MTRFR: variants seen among roughly 807,000 people sequenced by gnomAD.
The protein encoded by MTRFR is mitochondrial translation release factor in rescue, also known as probable peptide chain release factor C12orf65, mitochondrial.
Under a neutral mutation model 11.9 loss-of-function variants are expected in MTRFR, and 10 were observed. The observed-to-expected ratio is 0.84, with a 90% CI of 0.52 to 1.42. The LOEUF (loss-of-function observed/expected upper bound fraction) is 1.42. Ranked by LOEUF, MTRFR falls within the 40% of genes most tolerant of loss-of-function variation. MTRFR has a pLI of 0.00. For synonymous variants in MTRFR, 77 were observed against 79.1 expected, an observed-to-expected ratio of 0.97 and a Z score of 0.14; for missense variants, 196 against 197.9, an observed-to-expected ratio of 0.99 and a Z score of 0.06.
At chr12:123,243,961 AC>A (rs1370415756) in intron 1 of MTRFR, 1 of 152,324 alleles carries the variant, frequency 6.6e-6, no homozygotes, top group East Asian at 1.9e-4. Context: ...GGGGAAGTTG[AC>A]CGAGGGTGAG....
chr12:123,256,434 C>A (rs1169441190), intron 2 of MTRFR, among the ~76,000 whole-genome samples: 3 of 152,196 alleles, frequency 2.0e-5, no homozygotes, highest in Non-Finnish European at 4.4e-5. Context: ...CTCATGGGGA[C>A]TCCTGATAAG....
chr12:123,241,402 A>G (rs2047935174), intron 1 of MTRFR, among the ~76,000 whole-genome samples: 1 of 152,034 alleles, frequency 6.6e-6, no homozygotes, highest in East Asian at 1.9e-4. Flanking sequence ...CAATGGCGTG[A>G]TCTCGGCTCA....
intron 1 of MTRFR, among the ~76,000 whole-genome samples, chr12:123,237,075 A>G (rs1231652582): frequency 6.6e-6 from 1 of 151,450 alleles, no homozygotes; most frequent in Non-Finnish European, 1.5e-5. Context: ...ACAGAGTGAG[A>G]CTCCGGCTAA....
chr12:123,240,267 G>C (rs1000516193), intron 1 of MTRFR, among the ~76,000 whole-genome samples: 9 of 151,414 alleles, frequency 5.9e-5, no homozygotes, highest in African/African-American at 2.2e-4. Flanking sequence ...CCAGCTACTT[G>C]GGATGCTGAG....
chr12:123,244,434 A>G lies in MTRFR; in HGVS notation c.-28-9213A>G, dbSNP rs554195012. 3.3e-5 allele frequency among the ~76,000 whole-genome samples: 5 copies of G among 152,204 alleles called. No individual in the cohort carries two copies. The South Asian group carries it at 1.0e-3, about 32-fold the overall frequency. Reference sequence around the variant, plus strand: ...GCAGCAAGAGCGAAACTCCATCTCAAAACAAAAAACAAAAAAAAAGCAGCA... The same window carrying G: ...GCAGCAAGAGCGAAACTCCATCTCAGAACAAAAAACAAAAAAAAAGCAGCA... On this transcript the variant is annotated intron_variant, in intron 1 of 2. Transcript: ENST00000253233.
rs11057214 is a variant in MTRFR at position 123,257,385 on chromosome 12, G to A, written c.*354G>A. ...CAAAAAATTAGCCAGGCATGGTGGC[G>A]GGCACCTGTAATCCCAGCTACTCGG... is the stretch of plus-strand genomic sequence containing the variant. On this transcript the variant is annotated 3_prime_UTR_variant, in exon 3 of 3. Transcript: ENST00000253233. The A allele has an allele frequency of 0.056, 13,516 of 239,630 alleles. 498 individuals are homozygous for A. The highest frequency in any genetic ancestry group is 0.11 in the South Asian group (2,019 of 19,138). 14.8% of individuals were successfully genotyped at this position (239,630 alleles called of 1,614,324 possible).
chr12:123,256,372 G>A (rs2048182388), intron 2 of MTRFR, among the ~76,000 whole-genome samples: 1 of 152,154 alleles, frequency 6.6e-6, no homozygotes, highest in Non-Finnish European at 1.5e-5. Context: ...TACAGCAAGG[G>A]TATGGGACAC....
chr12:123,251,402 C>G (rs1038873188), intron 1 of MTRFR: 1 of 152,282 alleles, frequency 6.6e-6, no homozygotes, highest in Non-Finnish European at 1.5e-5. Context: ...CTAGAGAATT[C>G]TTCTCCCTGT....
chr12:123,250,163 A>G (rs1288296275), intron 1 of MTRFR: 2 of 152,152 alleles, frequency 1.3e-5, no homozygotes, highest in Non-Finnish European at 1.5e-5. Flanking sequence ...GTTGAATTCT[A>G]TTGCTGAGAC....
chr12:123,241,355 G>T (rs2047934377), intron 1 of MTRFR, among the ~76,000 whole-genome samples: 1 of 151,836 alleles, frequency 6.6e-6, no homozygotes, highest in South Asian at 2.1e-4. Context: ...TTTTGAGACA[G>T]AGTCTCGCTC....
rs2048200081 is a variant in MTRFR, at chr12:123,257,844, G to T, written c.*813G>T. 1 of 152,260 alleles carries T rather than the reference G, an allele frequency of 6.6e-6. No homozygotes were observed. Among genetic ancestry groups the T allele is most frequent in the Non-Finnish European group, 1.5e-5 (1 of 68,050 alleles). 9.4% of individuals were successfully genotyped at this position (152,260 alleles called of 1,614,324 possible). A position where few individuals can be genotyped will look rare whatever the true frequency, so the allele number is the denominator to read the frequency against. On this transcript the variant is annotated 3_prime_UTR_variant, in exon 3 of 3. Transcript: ENST00000253233. ...CTGACAAAGTTCTGTTTCTTCACCT[G>T]GGTGGTAGTTAGAAGGGTGTCCCCG... is the stretch of plus-strand genomic sequence containing the variant.
Position 123,253,905 on chromosome 12 carries a change from A to T in MTRFR, c.231A>T (p.Lys77Asn). ...GHGPGGQATN[K>N]TSNCVVLKHI... ...GTCCAGGGGGCCAGGCAACCAACAA[A>T]ACCAGCAACTGCGTGGTGCTGAAGC... Residue 77 changes from lysine (K) to asparagine (N), a missense_variant, in exon 2 of 3, where the codon AAA (lysine) becomes AAT (asparagine). By Grantham distance (94) the Lys-to-Asn change is moderately conservative (BLOSUM62 0). Coordinates refer to ENST00000253233, the MANE Select transcript of MTRFR (RefSeq NM_152269.5). 1 of 1,614,134 alleles carries T rather than the reference A, an allele frequency of 6.2e-7. No individual in the cohort carries two copies. Among genetic ancestry groups the T allele is most frequent in the South Asian group, 1.1e-5 (1 of 91,084 alleles).
At chr12:123,246,130 T>C (rs1301048660) in intron 1 of MTRFR, among the ~76,000 whole-genome samples, 1 of 152,170 alleles carries the variant, frequency 6.6e-6, no homozygotes, top group Admixed American at 6.5e-5. Context: ...CGATCTCAGC[T>C]CACTGCAACC....
At chr12:123,247,489 T>A (rs2048058951) in intron 1 of MTRFR, among the ~76,000 whole-genome samples, 1 of 152,236 alleles carries the variant, frequency 6.6e-6, no homozygotes, top group East Asian at 1.9e-4. Flanking sequence ...TATGGTGTCA[T>A]TTGCATGACA....
At chr12:123,252,628 TA>T (rs56742876) in intron 1 of MTRFR, 127,063 of 149,090 alleles carry the variant, frequency 0.85, 57,387 homozygotes, top group East Asian at 1. Flanking sequence ...TAAAATAGAC[TA>T]CTCAGCCCTG....
chr12:123,233,053 C>T (rs1254728357), upstream of MTRFR: 1 of 152,288 alleles, frequency 6.6e-6, no homozygotes, highest in Non-Finnish European at 1.5e-5. Context: ...CTACAGCTCC[C>T]TGCAGGCTGG....
intron 1 of MTRFR, among the ~76,000 whole-genome samples, chr12:123,245,320 C>G (rs960920679): frequency 1.3e-5 from 2 of 152,144 alleles, no homozygotes; most frequent in African/African-American, 4.8e-5. Context: ...AATATGATGC[C>G]TCCAGATTTG....
At chr12:123,250,975 G>C (rs978555859) in intron 1 of MTRFR, 1 of 152,234 alleles carries the variant, frequency 6.6e-6, no homozygotes, top group Non-Finnish European at 1.5e-5. Flanking sequence ...AGCTAGGCGT[G>C]TCTGAGCTCA....
Position 123,253,780 on chromosome 12 carries a change from A to G in MTRFR, c.106A>G (p.Ile36Val). The G allele has an allele frequency of 6.2e-7, 1 of 1,614,186 alleles. No individual in the cohort carries two copies. Reference protein sequence around the residue: ...WEKLTLLSPGIAVTPVQMAGK... With the variant: ...WEKLTLLSPGVAVTPVQMAGK... The stretch of plus-strand genomic sequence containing the variant: ...GAAGCTGACGTTGTTATCCCCAGGA[A>G]TAGCTGTCACTCCGGTCCAGATGGC... Residue 36 changes from isoleucine to valine, a missense_variant, in exon 2 of 3, where the codon ATA becomes GTA. Coordinates refer to ENST00000253233, the MANE Select transcript of MTRFR (RefSeq NM_152269.5).
Sources: allele counts gnomAD v4.1 joint callset (sites outside exome capture counted in the v4.1 genomes callset), GRCh38; gene constraint gnomAD v4.1.1; transcripts MANE v1.5; gene names NCBI Gene and HGNC (gene_info 2026-07-23, HGNC 2026-07-21).